GRIK2: variants seen among roughly 807,000 people sequenced by gnomAD.
The protein encoded by GRIK2 is glutamate receptor ionotropic, kainate 2.
GRIK2 carries 32 observed loss-of-function variants against 100.3 expected under a neutral mutation model. That is an observed-to-expected ratio of 0.32 (90% CI 0.24 to 0.43). The LOEUF (loss-of-function observed/expected upper bound fraction) is 0.43. GRIK2 is among the 20% of genes least tolerant of loss of function. The pLI is 1.00. For synonymous variants in GRIK2, 417 were observed against 389.4 expected (o/e 1.07, Z -0.83); for missense variants, 843 against 1,114.9 (o/e 0.76, Z 3.47).
chr6:101,855,975 C>T lies in GRIK2; in HGVS notation c.1318-3312C>T, dbSNP rs1169711678. Among the ~76,000 whole-genome samples, 3 of 152,092 alleles carry T rather than the reference C, an allele frequency of 2.0e-5. No individual in the cohort carries two copies. In the East Asian group the frequency reaches 5.8e-4, roughly 29 times the overall value. On this transcript the variant is annotated intron_variant, in intron 10 of 16. Transcript: ENST00000369134. ...TTGAGGGGAGAATTTGCAGGATTTA[C>T]AAAGGATAAAACAGAATTTGAGAAT...
intron 2 of GRIK2, among the ~76,000 whole-genome samples, chr6:101,599,387 A>G (rs1269353416): frequency 3.3e-5 from 5 of 151,818 alleles, no homozygotes; most frequent in African/African-American, 1.2e-4. Flanking sequence ...AGACGAGTAC[A>G]TGTGTCTTCA....
intron 11 of GRIK2, among the ~76,000 whole-genome samples, chr6:101,863,055 G>T (rs1393987550): frequency 6.7e-6 from 1 of 150,342 alleles, no homozygotes; most frequent in East Asian, 2.3e-4. Flanking sequence ...ATAATCTTCT[G>T]TAGGGGCAGG....
chr6:101,838,654 C>CTTTT (rs3055065), intron 10 of GRIK2, among the ~76,000 whole-genome samples: 53 of 143,912 alleles, frequency 3.7e-4, no homozygotes, highest in African/African-American at 1.2e-3. Context: ...ATTAATACAA[C>CTTTT]TTTTTTTTTT....
chr6:101,811,083 A>C (rs1200589654), intron 9 of GRIK2, among the ~76,000 whole-genome samples: 7 of 152,026 alleles, frequency 4.6e-5, no homozygotes, highest in Admixed American at 4.6e-4. Flanking sequence ...TTTCCAAGGG[A>C]AGTAGTCAAT....
chr6:101,650,988 G>A (rs1324018889), intron 4 of GRIK2, among the ~76,000 whole-genome samples: 4 of 130,304 alleles, frequency 3.1e-5, no homozygotes, highest in Non-Finnish European at 6.4e-5. Context: ...AACTCTTTTT[G>A]TATTTCTTTC....
At chr6:102,066,121 T>A (rs1772005150) in intron 16 of GRIK2, among the ~76,000 whole-genome samples, 1 of 151,572 alleles carries the variant, frequency 6.6e-6, no homozygotes, top group Admixed American at 6.6e-5. Context: ...TTACAAGTGC[T>A]AATATATTAA....
rs944933578 is a variant in GRIK2 at position 101,502,731 on chromosome 6, G to A, written c.115+103339G>A. 2.0e-5 allele frequency among the ~76,000 whole-genome samples: 3 copies of A among 152,146 alleles called. No homozygotes were observed. In the South Asian group the frequency reaches 6.2e-4, roughly 32 times the overall value. ...ATTGGTGAATGGGTTCCAATTCAGT[G>A]TGCGAATTGAAACACTAAAGACCAA... On this transcript the variant is annotated intron_variant, in intron 2 of 16. Coordinates refer to ENST00000369134, the MANE Select transcript of GRIK2 (RefSeq NM_021956.5).
At chr6:101,922,422 G>A (rs1789615462) in intron 12 of GRIK2, among the ~76,000 whole-genome samples, 1 of 152,048 alleles carries the variant, frequency 6.6e-6, no homozygotes, top group African/African-American at 2.4e-5. Context: ...TGTCATATGG[G>A]AAAACTAAAT....
chr6:101,832,676 T>C (rs1782780573), intron 10 of GRIK2, among the ~76,000 whole-genome samples: 1 of 152,170 alleles, frequency 6.6e-6, no homozygotes, highest in South Asian at 2.1e-4. Flanking sequence ...AAACAAAACA[T>C]AAAGTTTGCC....
chr6:101,957,357 G>A (rs1168530116), intron 14 of GRIK2, among the ~76,000 whole-genome samples: 1 of 151,654 alleles, frequency 6.6e-6, no homozygotes, highest in Non-Finnish European at 1.5e-5. Context: ...GTCTTATAGA[G>A]TTGTTTGAGT....
intron 2 of GRIK2, among the ~76,000 whole-genome samples, chr6:101,465,599 G>C (rs1771603402): frequency 6.6e-6 from 1 of 152,090 alleles, no homozygotes; most frequent in East Asian, 1.9e-4. Flanking sequence ...CAGATTTAGA[G>C]AGTCTCACCC....
intron 12 of GRIK2, among the ~76,000 whole-genome samples, chr6:101,902,350 A>C (rs1787904777): frequency 6.6e-6 from 1 of 151,950 alleles, no homozygotes. Context: ...ACAAATATAC[A>C]CAATGTATGA....
At chr6:101,655,378 G>T (rs1188868969) in intron 4 of GRIK2, among the ~76,000 whole-genome samples, 1 of 152,110 alleles carries the variant, frequency 6.6e-6, no homozygotes, top group African/African-American at 2.4e-5. Flanking sequence ...TTGGCAAAAA[G>T]AAACAGGACA....
At chr6:101,768,349 G>A (rs892798074) in intron 7 of GRIK2, among the ~76,000 whole-genome samples, 1 of 152,042 alleles carries the variant, frequency 6.6e-6, no homozygotes, top group Non-Finnish European at 1.5e-5. Flanking sequence ...AAACTACAAT[G>A]TCCCAACTGG....
At chr6:101,907,554 G>A (rs754214909) in intron 12 of GRIK2, among the ~76,000 whole-genome samples, 13 of 151,566 alleles carry the variant, frequency 8.6e-5, no homozygotes, top group Non-Finnish European at 1.9e-4. Context: ...GCAACATTTA[G>A]CCACCCAGTG....
At chr6:101,818,523 A>G (rs1192978420) in intron 10 of GRIK2, 40 bp downstream of exon 10, 2 of 1,070,712 alleles carry the variant, frequency 1.9e-6, no homozygotes, top group Admixed American at 1.7e-5. Context: ...TTAAATGTAG[A>G]TGAACACAGA....
chr6:102,033,554 A>G (rs1190956821), intron 14 of GRIK2, among the ~76,000 whole-genome samples: 2 of 151,356 alleles, frequency 1.3e-5, no homozygotes, highest in African/African-American at 4.8e-5. Context: ...GGGATCTAGA[A>G]CTGACTATCT....
At chr6:101,732,073 A>G (rs1013656174) in intron 7 of GRIK2, among the ~76,000 whole-genome samples, 4 of 151,954 alleles carry the variant, frequency 2.6e-5, no homozygotes, top group African/African-American at 9.7e-5. Flanking sequence ...TATATAATAC[A>G]TTTGTCAGTT....
chr6:101,458,136 C>G (rs746392903), intron 2 of GRIK2, among the ~76,000 whole-genome samples: 7 of 151,436 alleles, frequency 4.6e-5, no homozygotes, highest in Non-Finnish European at 8.8e-5. Flanking sequence ...TGCTATGATG[C>G]TGGATTAAAA....
Sources: allele counts gnomAD v4.1 joint callset (sites outside exome capture counted in the v4.1 genomes callset), GRCh38; gene constraint gnomAD v4.1.1; transcripts MANE v1.5; gene names NCBI Gene and HGNC (gene_info 2026-07-23, HGNC 2026-07-21).